MAP3K20: variants seen among roughly 807,000 people sequenced by gnomAD.
MAP3K20 encodes the protein mitogen-activated protein kinase kinase kinase 20.
In MAP3K20, 40 loss-of-function variants were observed where a neutral mutation model predicts 85.7. The ratio of observed to expected loss-of-function variants is 0.47; its 90% CI spans 0.36 to 0.61. The LOEUF (loss-of-function observed/expected upper bound fraction) is 0.61. MAP3K20 is among the 20% of genes least tolerant of loss of function. MAP3K20 has a pLI of 0.00. For missense variants in MAP3K20, 817 were observed against 961.7 expected (o/e 0.85, Z 1.99); for synonymous variants, 325 against 327.7 (o/e 0.99, Z 0.09).
At chr2:173,169,499 T>C (rs1257967325) in intron 2 of MAP3K20, among the ~76,000 whole-genome samples, 1 of 151,906 alleles carries the variant, frequency 6.6e-6, no homozygotes, top group Non-Finnish European at 1.5e-5. Flanking sequence ...GGTGGGAGGA[T>C]TGCTTGAGCC....
intron 11 of MAP3K20, chr2:173,221,506 T>C (rs1684250333): frequency 6.3e-7 from 1 of 1,595,920 alleles, no homozygotes; most frequent in Non-Finnish European, 8.6e-7. Flanking sequence ...AGGAGGAGGA[T>C]AATGACATGG....
chr2:173,134,407 TATATATATATA>T (rs1688722716), intron 2 of MAP3K20, among the ~76,000 whole-genome samples: 5 of 10,462 alleles, frequency 4.8e-4, no homozygotes, highest in Non-Finnish European at 7.0e-4. Flanking sequence ...TATATATATA[TATATATATATA>T]TATATATATA....
Position 173,198,841 on chromosome 2 carries a change from G to A in MAP3K20, c.669+729G>A, listed in dbSNP as rs1244102913. On this transcript the variant is annotated intron_variant, in intron 8 of 19. Coordinates refer to ENST00000375213, the MANE Select transcript of MAP3K20 (RefSeq NM_016653.3). This position sits in a 1 kb window ranked among gnomAD's most constrained non-coding sequence, Gnocchi z 5.8. ...CCTATGAGCCTACATCAGAGAACAT[G>A]GTACATTCATATCAAAGAGAGCAAC... 1 of 152,560 alleles carries A rather than the reference G, an allele frequency of 6.6e-6. No homozygotes were observed. Among genetic ancestry groups the A allele is most frequent in the African/African-American group, 2.4e-5 (1 of 41,416 alleles). The allele number at this position is 152,560 out of a possible 1,614,324, so 9.5% of individuals were successfully genotyped here.
At chr2:173,213,797 G>A (rs1442213909) in intron 10 of MAP3K20, among the ~76,000 whole-genome samples, 1 of 152,204 alleles carries the variant, frequency 6.6e-6, no homozygotes, top group East Asian at 1.9e-4. Flanking sequence ...TTTTAGCTAA[G>A]AGAAATATTA....
At chr2:173,080,532 A>G (rs1333678629) in intron 1 of MAP3K20, among the ~76,000 whole-genome samples, 1 of 152,238 alleles carries the variant, frequency 6.6e-6, no homozygotes, top group African/African-American at 2.4e-5. Flanking sequence ...AAAGAGAAAA[A>G]GTGAACTCCT....
chr2:173,226,930 A>G, intron 11 of MAP3K20: 1 of 985,182 alleles, frequency 1.0e-6, no homozygotes, highest in Non-Finnish European at 1.2e-6. Flanking sequence ...TATGCCAAAT[A>G]TCTTGTATAA....
chr2:173,082,344 T>A (rs1687035579), intron 1 of MAP3K20, among the ~76,000 whole-genome samples: 1 of 152,120 alleles, frequency 6.6e-6, no homozygotes, highest in Non-Finnish European at 1.5e-5. Context: ...TAATATAAGG[T>A]CTTAGTCTTC....
intron 16 of MAP3K20, among the ~76,000 whole-genome samples, chr2:173,255,629 G>A (rs905445550): frequency 6.6e-6 from 1 of 152,092 alleles, no homozygotes; most frequent in Non-Finnish European, 1.5e-5. Context: ...CCGTTCTGAC[G>A]GTGTGCAGAG....
chr2:173,232,282 C>T, intron 13 of MAP3K20, 38 bp from the exon 14 acceptor site: 1 of 1,613,810 alleles, frequency 6.2e-7, no homozygotes, highest in Non-Finnish European at 8.5e-7. Flanking sequence ...GATGTGATTT[C>T]ATCTAATTTT....
chr2:173,223,919 G>C, intron 11 of MAP3K20: 3 of 985,442 alleles, frequency 3.0e-6, no homozygotes, highest in Non-Finnish European at 3.6e-6. Flanking sequence ...GCAGTGGTCA[G>C]CCACCTGAAG....
chr2:173,245,667 C>T (rs111332525), intron 16 of MAP3K20, among the ~76,000 whole-genome samples: 3,758 of 152,334 alleles, frequency 0.025, 91 homozygotes, highest in Admixed American at 0.075. Context: ...CACAGTGGCT[C>T]ATGCCTGTAA....
chr2:173,255,849 AG>A (rs144701240), intron 16 of MAP3K20, among the ~76,000 whole-genome samples: 4,130 of 152,312 alleles, frequency 0.027, 90 homozygotes, highest in African/African-American at 0.057. Context: ...TGCCTTGAGG[AG>A]GTTCTTGCTA....
At chr2:173,127,957 A>C (rs1447307285) in intron 2 of MAP3K20, among the ~76,000 whole-genome samples, 3 of 152,184 alleles carry the variant, frequency 2.0e-5, no homozygotes, top group Non-Finnish European at 4.4e-5. Flanking sequence ...TCATATAGTT[A>C]GTAAGTGATA....
Position 173,167,284 on chromosome 2 carries a change from C to T in MAP3K20, c.160-2521C>T, listed in dbSNP as rs1689861293. ...AGGCAAAATCCAGAGAGTATATCTG[C>T]TTGCTGTCAGAGGGTGATTGCAACA... is the stretch of plus-strand genomic sequence containing the variant. On this transcript the variant is annotated intron_variant, in intron 2 of 19. Coordinates refer to ENST00000375213, the MANE Select transcript of MAP3K20 (RefSeq NM_016653.3). Among the ~76,000 whole-genome samples the T allele has an allele frequency of 2.0e-5, 3 of 152,066 alleles. No homozygotes were observed. The South Asian group carries it at 6.2e-4, about 31-fold the overall frequency.
intron 1 of MAP3K20, among the ~76,000 whole-genome samples, chr2:173,080,452 C>T (rs1686983398): frequency 6.6e-6 from 1 of 152,170 alleles, no homozygotes; most frequent in African/African-American, 2.4e-5. Flanking sequence ...AGTCCAGGTA[C>T]ATGGCTCTGG....
Position 173,266,840 on chromosome 2 carries a change from G to C in MAP3K20, c.*90G>C. On this transcript the variant is annotated 3_prime_UTR_variant, in exon 20 of 20. Coordinates refer to ENST00000375213, the MANE Select transcript of MAP3K20 (RefSeq NM_016653.3). Reference sequence around the variant, plus strand: ...TTTGATAATATGATCCCTTCAGATTGAATTAACGAAAAGACAACACTTCCA... The same window carrying C: ...TTTGATAATATGATCCCTTCAGATTCAATTAACGAAAAGACAACACTTCCA... 8.2e-7 allele frequency: 1 copy of C among 1,214,444 alleles called. No individual in the cohort carries two copies. Among genetic ancestry groups the C allele is most frequent in the Non-Finnish European group, 1.1e-6 (1 of 921,826 alleles). 75.2% of individuals were successfully genotyped at this position (1,214,444 alleles called of 1,614,324 possible).
In MAP3K20 at chr2:173,153,243, C is replaced by A. The variant is rs150677800; in HGVS notation, c.160-16562C>A. Among the ~76,000 whole-genome samples the A allele has an allele frequency of 6.8e-3, 1,040 of 152,280 alleles. 13 individuals are homozygous for A. The highest frequency in any genetic ancestry group is 0.023 in the African/African-American group (976 of 41,542). On this transcript the variant is annotated intron_variant, in intron 2 of 19. Coordinates refer to ENST00000375213, the MANE Select transcript of MAP3K20 (RefSeq NM_016653.3). ...TACGCCTCCCATTTTCACCCCTCCCCTGTTAGGGCTTATCATCTCTTTAAC... is the reference window on the plus strand; with the variant it reads ...TACGCCTCCCATTTTCACCCCTCCCATGTTAGGGCTTATCATCTCTTTAAC...
chr2:173,239,361 A>T (rs762896444), intron 15 of MAP3K20, 43 bp from the exon 16 acceptor site: 3 of 1,522,758 alleles, frequency 2.0e-6, no homozygotes, highest in Non-Finnish European at 2.7e-6. Context: ...ATGAGAAGTA[A>T]AAACAACATC....
intron 16 of MAP3K20, among the ~76,000 whole-genome samples, chr2:173,257,842 C>T (rs1266226542): frequency 6.6e-6 from 1 of 152,092 alleles, no homozygotes; most frequent in Non-Finnish European, 1.5e-5. Context: ...TCAGTCTTAG[C>T]CATTCTGATG....
Sources: allele counts gnomAD v4.1 joint callset (sites outside exome capture counted in the v4.1 genomes callset), GRCh38; gene constraint gnomAD v4.1.1; non-coding constraint Gnocchi (gnomAD v3.1); transcripts MANE v1.5; gene names NCBI Gene and HGNC (gene_info 2026-07-23, HGNC 2026-07-21).